NEDD4L: variants seen among roughly 807,000 people sequenced by gnomAD.
The protein encoded by NEDD4L is E3 ubiquitin-protein ligase NEDD4-like.
Under a neutral mutation model 148.9 loss-of-function variants are expected in NEDD4L, and 54 were observed. The observed-to-expected ratio is 0.36, with a 90% CI of 0.29 to 0.45. The LOEUF is 0.45. NEDD4L is among the 20% of genes least tolerant of loss of function. The pLI is 1.00. For missense variants in NEDD4L, 856 were observed against 1,233.8 expected, an observed-to-expected ratio of 0.69 and a Z score of 4.59; for synonymous variants, 433 against 440.7, an observed-to-expected ratio of 0.98 and a Z score of 0.22.
At chr18:58,070,559 C>A (rs2144880490) in intron 1 of NEDD4L, among the ~76,000 whole-genome samples, 1 of 152,214 alleles carries the variant, frequency 6.6e-6, no homozygotes. Flanking sequence ...TCCTGGGAAT[C>A]TAGAAGGCTC....
intron 2 of NEDD4L, among the ~76,000 whole-genome samples, chr18:58,175,007 C>T (rs1258785342): frequency 6.6e-6 from 1 of 152,186 alleles, no homozygotes; most frequent in Non-Finnish European, 1.5e-5. Context: ...TACCTTTGCT[C>T]AGCTGTAAGC....
intron 1 of NEDD4L, among the ~76,000 whole-genome samples, chr18:58,053,309 ATT>A (rs202214770): frequency 1.4e-5 from 2 of 147,792 alleles, no homozygotes; most frequent in East Asian, 2.0e-4. Flanking sequence ...TGTGTTAACA[ATT>A]TTTTTTTTTT....
At chr18:58,336,944 G>A (rs1295462215) in intron 13 of NEDD4L, among the ~76,000 whole-genome samples, 1 of 152,206 alleles carries the variant, frequency 6.6e-6, no homozygotes, top group Non-Finnish European at 1.5e-5. Context: ...GTTGAATTCA[G>A]TGCTGATGAA....
chr18:58,047,793 G>C (rs965482007), intron 1 of NEDD4L, among the ~76,000 whole-genome samples: 5 of 152,100 alleles, frequency 3.3e-5, no homozygotes, highest in African/African-American at 1.2e-4. Flanking sequence ...AGTCCTTGTG[G>C]ATTTCTTGTT....
intron 13 of NEDD4L, among the ~76,000 whole-genome samples, chr18:58,337,584 A>T (rs1330144421): frequency 2.0e-5 from 3 of 152,100 alleles, no homozygotes; most frequent in Non-Finnish European, 4.4e-5. Context: ...TATTTTTTTT[A>T]AATGGGATGT....
chr18:58,083,461 G>C (rs9965831), intron 1 of NEDD4L, among the ~76,000 whole-genome samples: 5,154 of 152,248 alleles, frequency 0.034, 295 homozygotes, highest in African/African-American at 0.12. Context: ...TCTGAAGCGG[G>C]TGGATCACGA....
chr18:58,236,216 G>C (rs980480432), intron 2 of NEDD4L, among the ~76,000 whole-genome samples: 8 of 151,892 alleles, frequency 5.3e-5, no homozygotes, highest in African/African-American at 1.9e-4. Context: ...AATTAGCCAG[G>C]CATGGTGGTG....
chr18:58,234,171 T>C (rs2045698132), intron 2 of NEDD4L, among the ~76,000 whole-genome samples: 1 of 149,954 alleles, frequency 6.7e-6, no homozygotes. Context: ...TTTTTCTCTC[T>C]CTTTCTTTCT....
chr18:58,373,384 G>A, intron 24 of NEDD4L, 115 bp downstream of exon 24: 2 of 664,046 alleles, frequency 3.0e-6, no homozygotes, highest in South Asian at 3.4e-5. Flanking sequence ...GGAGCTGCAG[G>A]TGTTAATTTT....
intron 1 of NEDD4L, among the ~76,000 whole-genome samples, chr18:58,055,449 T>C (rs2082048179): frequency 6.6e-6 from 1 of 152,228 alleles, no homozygotes; most frequent in South Asian, 2.1e-4. Flanking sequence ...TTTCTTAATA[T>C]AAAAGTAAGT....
At chr18:58,387,574 A>C in intron 27 of NEDD4L, 76 bp downstream of exon 27, 1 of 1,374,134 alleles carries the variant, frequency 7.3e-7, no homozygotes, top group African/African-American at 1.5e-5. Context: ...GTAATATTTT[A>C]ATATTCTTGG....
chr18:58,364,339 T>A lies in NEDD4L; in HGVS notation c.1833+6T>A. ...GGAAGAAATTAAAGAAACCTGTGAG[T>A]AATCATGCCTTCCAAAAATGCTTTG... On this transcript the variant is annotated splice_donor_region_variant and intron_variant, in intron 20 of 30. Transcript: ENST00000400345. The A allele has an allele frequency of 6.5e-7, 1 of 1,537,126 alleles. No homozygotes were observed. The highest frequency in any genetic ancestry group is 8.8e-7 in the Non-Finnish European group (1 of 1,134,210).
intron 1 of NEDD4L, among the ~76,000 whole-genome samples, chr18:58,067,554 C>T (rs2082663393): frequency 6.6e-6 from 1 of 152,052 alleles, no homozygotes; most frequent in South Asian, 2.1e-4. Context: ...ACTTGGGTTA[C>T]CTGGTACATC....
At chr18:58,349,427 C>A in intron 16 of NEDD4L, 110 bp from the exon 17 acceptor site, 1 of 794,780 alleles carries the variant, frequency 1.3e-6, no homozygotes, top group Non-Finnish European at 2.2e-6. Context: ...ACGCTCCAGG[C>A]ATGGACAGCC....
chr18:58,281,007 A>C (rs2052977131), intron 5 of NEDD4L, among the ~76,000 whole-genome samples: 2 of 151,798 alleles, frequency 1.3e-5, no homozygotes, highest in Admixed American at 6.6e-5. Context: ...GACAAATCTC[A>C]CTCTGTTGCC....
chr18:58,083,221 G>A (rs2083560537), intron 1 of NEDD4L, among the ~76,000 whole-genome samples: 1 of 152,178 alleles, frequency 6.6e-6, no homozygotes, highest in Admixed American at 6.5e-5. Context: ...TGCTGCAGTG[G>A]TTCACAGTAA....
chr18:58,082,102 A>ATTTTTTTTTTTTTTTTTTTTTT (rs1192932128), intron 1 of NEDD4L, among the ~76,000 whole-genome samples: 25 of 48,832 alleles, frequency 5.1e-4, no homozygotes, highest in Admixed American at 6.7e-4. Context: ...ATATATATAT[A>ATTTTTTTTTTTTTTTTTTTTTT]TTTTTTTTTT....
intron 1 of NEDD4L, among the ~76,000 whole-genome samples, chr18:58,057,254 T>G (rs1443881974): frequency 6.7e-6 from 1 of 150,008 alleles, no homozygotes; most frequent in Admixed American, 6.7e-5. Flanking sequence ...AAAGGAGGTT[T>G]TTTTTTTTTT....
At chr18:58,164,874 G>C (rs979146755) in intron 1 of NEDD4L, among the ~76,000 whole-genome samples, 1 of 152,192 alleles carries the variant, frequency 6.6e-6, no homozygotes, top group Non-Finnish European at 1.5e-5. Flanking sequence ...CAGACCAGAC[G>C]TTTCTCCCCA....
Sources: gnomAD v4.1 joint callset for allele counts (sites outside exome capture counted in the v4.1 genomes callset) on GRCh38, gnomAD v4.1.1 for gene constraint, MANE v1.5 for transcripts, NCBI Gene and HGNC (gene_info 2026-07-23, HGNC 2026-07-21) for gene names.